WDR20: variants seen among roughly 807,000 people sequenced by gnomAD.
WDR20 encodes WD repeat domain 20, also known as WD repeat-containing protein 20.
Under a neutral mutation model 38.7 loss-of-function variants are expected in WDR20, and 3 were observed. The ratio of observed to expected loss-of-function variants is 0.08; its 90% CI spans 0.04 to 0.20. The LOEUF is 0.20. Among genes scored for constraint, WDR20 ranks in the 10% least tolerant of loss-of-function variants. WDR20 has a pLI of 1.00. For missense variants in WDR20, 559 were observed against 727.7 expected (o/e 0.77, Z 2.67); for synonymous variants, 298 against 285.6 (o/e 1.04, Z -0.44).
chr14:102,213,460 G>T, downstream of WDR20: 1 of 985,486 alleles, frequency 1.0e-6, no homozygotes, highest in Non-Finnish European at 1.2e-6. Context: ...GCTGGGGACT[G>T]AGGGTAAATG....
At position 102,178,347 on chromosome 14, in the gene WDR20, G is replaced by A. The variant is rs139293955; in HGVS notation, c.250-16591G>A. On this transcript the variant is annotated intron_variant, in intron 1 of 2. Coordinates refer to ENST00000342702, the MANE Select transcript of WDR20 (RefSeq NM_144574.4). ...GCAGAGGTTGCAGTGAGCCAAGATC[G>A]TGCCATTGCACTCCAGCCTGGGCTA... Among the ~76,000 whole-genome samples, 134 of 151,650 alleles carry A rather than the reference G, an allele frequency of 8.8e-4. 1 individual carries two copies. The East Asian group carries it at 0.016, about 19-fold the overall frequency.
chr14:102,157,560 AG>A (rs1272717718), intron 1 of WDR20, among the ~76,000 whole-genome samples: 1 of 152,146 alleles, frequency 6.6e-6, no homozygotes, highest in Non-Finnish European at 1.5e-5. Flanking sequence ...CCACTCCACA[AG>A]GTGGACTCTG....
intron 1 of WDR20, among the ~76,000 whole-genome samples, chr14:102,189,970 A>G (rs967871672): frequency 6.6e-6 from 1 of 152,128 alleles, no homozygotes; most frequent in Non-Finnish European, 1.5e-5. Flanking sequence ...ACGTGAACTG[A>G]CGGGCACGAT....
At chr14:102,187,734 T>C (rs964338706) in intron 1 of WDR20, among the ~76,000 whole-genome samples, 2 of 151,938 alleles carry the variant, frequency 1.3e-5, no homozygotes, top group African/African-American at 4.8e-5. Flanking sequence ...GGCACAGAGC[T>C]AGAGAGGCTG....
At chr14:102,188,622 C>T (rs1228685583) in intron 1 of WDR20, among the ~76,000 whole-genome samples, 3 of 151,838 alleles carry the variant, frequency 2.0e-5, no homozygotes, top group Non-Finnish European at 4.4e-5. Flanking sequence ...AATCCCAGCA[C>T]TTTGGGAGGC....
chr14:102,215,543 TG>T (rs1246167071), downstream of WDR20, among the ~76,000 whole-genome samples: 3 of 152,160 alleles, frequency 2.0e-5, no homozygotes, highest in Admixed American at 2.0e-4. Context: ...CACGGTGGTT[TG>T]TTGCGCCCAT....
chr14:102,174,496 T>A (rs565842259), intron 1 of WDR20, among the ~76,000 whole-genome samples: 24 of 152,348 alleles, frequency 1.6e-4, no homozygotes, highest in Non-Finnish European at 2.9e-4. Flanking sequence ...CTCGGCTCAC[T>A]GCAACCTCCA....
chr14:102,219,828 C>T (rs537428076), downstream of WDR20, among the ~76,000 whole-genome samples: 3 of 152,342 alleles, frequency 2.0e-5, no homozygotes, highest in East Asian at 5.8e-4. Flanking sequence ...TCCGTTATGC[C>T]AGTATGGACT....
At chr14:102,145,094 A>G (rs2053126372) in intron 1 of WDR20, among the ~76,000 whole-genome samples, 1 of 152,164 alleles carries the variant, frequency 6.6e-6, no homozygotes, top group African/African-American at 2.4e-5. Flanking sequence ...GAATAGGGAC[A>G]TTATCTTTCC....
At chr14:102,198,025 C>A in intron 2 of WDR20, 1 of 455,996 alleles carries the variant, frequency 2.2e-6, no homozygotes, top group Non-Finnish European at 3.9e-6. Flanking sequence ...CTGGTGACCA[C>A]AGATGGTGAC....
chr14:102,216,063 C>T (rs943596388), downstream of WDR20, among the ~76,000 whole-genome samples: 18 of 152,158 alleles, frequency 1.2e-4, no homozygotes, highest in East Asian at 9.6e-4. Context: ...TGTTGGCAGC[C>T]GGCTGAGCCC....
At chr14:102,155,362 T>C (rs1206786770) in intron 1 of WDR20, among the ~76,000 whole-genome samples, 1 of 152,330 alleles carries the variant, frequency 6.6e-6, no homozygotes, top group East Asian at 1.9e-4. Context: ...ACTTGCTAAT[T>C]GACTGCTGTT....
chr14:102,174,650 A>G (rs192167862), intron 1 of WDR20, among the ~76,000 whole-genome samples: 3 of 151,864 alleles, frequency 2.0e-5, no homozygotes, highest in Non-Finnish European at 4.4e-5. Context: ...CGATCTCCTG[A>G]CCTCATGATC....
At chr14:102,162,441 A>G (rs1007053727) in intron 1 of WDR20, among the ~76,000 whole-genome samples, 3 of 152,176 alleles carry the variant, frequency 2.0e-5, no homozygotes, top group Non-Finnish European at 4.4e-5. Flanking sequence ...TATTGATCAT[A>G]TCAATAAGTG....
intron 1 of WDR20, among the ~76,000 whole-genome samples, chr14:102,161,142 A>ATATTTTTTTTTT (rs1342924049): frequency 6.2e-5 from 1 of 16,032 alleles, no homozygotes; most frequent in African/African-American, 3.2e-4. Flanking sequence ...ATATATATAT[A>ATATTTTTTTTTT]TTTTTTTTTT....
In WDR20 at chr14:102,195,031, A is replaced by G; in HGVS notation, c.343A>G (p.Ser115Gly). The G allele has an allele frequency of 6.2e-7, 1 of 1,614,238 alleles. No homozygotes were observed. Among genetic ancestry groups the G allele is most frequent in the Non-Finnish European group, 8.5e-7 (1 of 1,180,036 alleles). The change falls in exon 2 of 3, where the codon AGT (serine) becomes GGT (glycine). Residue 115 changes from serine (S) to glycine (G), a missense_variant. Ser to Gly is a moderately conservative substitution (Grantham distance 56). Coordinates refer to ENST00000342702, the MANE Select transcript of WDR20 (RefSeq NM_144574.4). ...DFNHLTATAE[S>G]VSLLVGFSAG... ...CAACCACCTAACAGCCACAGCAGAA[A>G]GTGTCTCTCTCCTAGTGGGCTTTTC...
intron 1 of WDR20, among the ~76,000 whole-genome samples, chr14:102,165,574 G>T (rs2059582789): frequency 6.6e-6 from 1 of 150,958 alleles, no homozygotes; most frequent in Non-Finnish European, 1.5e-5. Context: ...AATCATTGTG[G>T]TATTAAATAA....
intron 1 of WDR20, among the ~76,000 whole-genome samples, chr14:102,145,633 T>C (rs889612476): frequency 6.6e-6 from 1 of 152,058 alleles, no homozygotes; most frequent in African/African-American, 2.4e-5. Context: ...AGGGTGGGCG[T>C]GGTGTCATGT....
chr14:102,139,910 C>A lies in WDR20; in HGVS notation c.-14C>A. The A allele has an allele frequency of 6.2e-7, 1 of 1,610,934 alleles. No homozygotes were observed. Among genetic ancestry groups the A allele is most frequent in the Non-Finnish European group, 8.5e-7 (1 of 1,177,380 alleles). ...ATCCGGGCACTTAGGGCAGGATGAA[C>A]GCTGCTTTCCAAGATGGCGACGGAG... On this transcript the variant is annotated 5_prime_UTR_variant, in exon 1 of 3. Transcript: ENST00000342702.
Sources: gnomAD v4.1 joint callset for allele counts (sites outside exome capture counted in the v4.1 genomes callset) on GRCh38, gnomAD v4.1.1 for gene constraint, MANE v1.5 for transcripts, NCBI Gene and HGNC (gene_info 2026-07-23, HGNC 2026-07-21) for gene names.